SHROOM2: variants seen among roughly 807,000 people sequenced by gnomAD.
The protein encoded by SHROOM2 is protein Shroom2.
In SHROOM2, 33 loss-of-function variants were observed where a neutral mutation model predicts 75.9. That is an observed-to-expected ratio of 0.43 (90% CI 0.33 to 0.58). The LOEUF (loss-of-function observed/expected upper bound fraction) is 0.58. Among genes scored for constraint, SHROOM2 ranks in the 20% least tolerant of loss-of-function variants. SHROOM2 has a pLI of 0.04. For missense variants in SHROOM2, 1,434 were observed against 1,461.2 expected, an observed-to-expected ratio of 0.98 and a Z score of 0.30; for synonymous variants, 655 against 663.6, an observed-to-expected ratio of 0.99 and a Z score of 0.20.
intron 1 of SHROOM2, among the ~76,000 whole-genome samples, chrX:9,787,905 C>T (rs1222915337): frequency 9.0e-6 from 1 of 110,740 alleles, no homozygotes; most frequent in East Asian, 2.8e-4. Context: ...ACATGGTGGA[C>T]AGTCATAAAG....
chrX:9,795,340 C>T (rs770638583), intron 1 of SHROOM2, among the ~76,000 whole-genome samples: 37 of 111,662 alleles, frequency 3.3e-4, no homozygotes, highest in African/African-American at 1.2e-3. Flanking sequence ...AGATTTTGTT[C>T]AACATCATCT....
At chrX:9,916,759 C>T (rs2084494364) in intron 5 of SHROOM2, among the ~76,000 whole-genome samples, 1 of 112,131 alleles carries the variant, frequency 8.9e-6, no homozygotes, top group South Asian at 3.7e-4. Flanking sequence ...CTCTTCAGCG[C>T]GTGTTCATTT....
In SHROOM2 at chrX:9,896,132, G is replaced by A. The variant is rs775806030; in HGVS notation, c.2224G>A (p.Gly742Arg). 1.3e-5 allele frequency: 16 copies of A among 1,208,943 alleles called. No individual in the cohort carries two copies. In the South Asian group the frequency reaches 1.9e-4, roughly 15 times the overall value. ...CCAGCCACCCTCATCTACAAGTGGC[G>A]GGCCCCACCCGCCCCGCATCGGAGG... ...LAQPPSSTSG[G>R]PHPPRIGGRR... The change falls in exon 4 of 10, where the codon GGG (glycine) becomes AGG (arginine). Residue 742 changes from glycine to arginine, a missense_variant. Around this residue, in one of 3 missense-constraint regions of SHROOM2, gnomAD observed 1,340 missense variants for 1,338.3 expected, o/e 1.00. Transcript: ENST00000380913.
chrX:9,906,781 T>A (rs2013795326), intron 5 of SHROOM2, among the ~76,000 whole-genome samples: 1 of 112,174 alleles, frequency 8.9e-6, no homozygotes, highest in African/African-American at 3.2e-5. Context: ...AGAGTGAAAC[T>A]GTCTCAAAAA....
chrX:9,891,034 C>A lies in SHROOM2; in HGVS notation c.375C>A (p.Ser125Arg). Residue 125 changes from serine (S) to arginine (R), a missense_variant, in exon 3 of 10, where the codon AGC becomes AGA. Coordinates refer to ENST00000380913, the MANE Select transcript of SHROOM2 (RefSeq NM_001649.4). ...HSWHATKFSD[S>R]HPELAASPFT... ...GGCATGCCACCAAGTTCTCTGACAG[C>A]CACCCCGAGCTAGCGGCCTCCCCAT... is the stretch of plus-strand genomic sequence containing the variant. 2 of 1,203,180 alleles carry A rather than the reference C, an allele frequency of 1.7e-6. No individual in the cohort carries two copies. Among genetic ancestry groups the A allele is most frequent in the Non-Finnish European group, 2.2e-6 (2 of 891,189 alleles).
At chrX:9,914,391 T>A (rs1313027131) in intron 5 of SHROOM2, among the ~76,000 whole-genome samples, 1 of 109,900 alleles carries the variant, frequency 9.1e-6, no homozygotes, top group Non-Finnish European at 1.9e-5. Flanking sequence ...GCCTTTGGAA[T>A]ACATTTACTT....
chrX:9,863,357 G>C, intron 1 of SHROOM2, among the ~76,000 whole-genome samples: 1 of 110,856 alleles, frequency 9.0e-6, no homozygotes, highest in East Asian at 2.8e-4. Flanking sequence ...TAGGTTTTCT[G>C]TCATGACACT....
rs1000933743 is a variant in SHROOM2, at chrX:9,899,592, A to G, written c.2891+1302A>G. ...AGAGCTGTTATCCTTCTACAAGGGG[A>G]TCAAATATTTATGTGACTCTGCAAC... On this transcript the variant is annotated intron_variant, in intron 5 of 9. Coordinates refer to ENST00000380913, the MANE Select transcript of SHROOM2 (RefSeq NM_001649.4). 2.4e-4 allele frequency among the ~76,000 whole-genome samples: 27 copies of G among 112,146 alleles called. 1 individual carries two copies. The highest frequency in any genetic ancestry group is 7.8e-4 in the African/African-American group (24 of 30,901).
rs1394541487 is a variant in SHROOM2 at position 9,931,808 on chromosome X, G to A, written c.2892-367G>A. On this transcript the variant is annotated intron_variant, in intron 5 of 9. Coordinates refer to ENST00000380913, the MANE Select transcript of SHROOM2 (RefSeq NM_001649.4). ...ACTGTGACTTGAAGTAAATATTTCTGAATCTAGCTGTATGTGAGCATTTCC... is the reference window on the plus strand; with the variant it reads ...ACTGTGACTTGAAGTAAATATTTCTAAATCTAGCTGTATGTGAGCATTTCC... 2.7e-5 allele frequency among the ~76,000 whole-genome samples: 3 copies of A among 111,687 alleles called. No homozygotes were observed. The East Asian group carries it at 8.4e-4, about 31-fold the overall frequency.
chrX:9,924,351 A>G (rs2084574087), intron 5 of SHROOM2, among the ~76,000 whole-genome samples: 3 of 112,132 alleles, frequency 2.7e-5, no homozygotes, highest in Non-Finnish European at 3.8e-5. Context: ...CCTATGGTAA[A>G]TCAATATTTC....
At chrX:9,794,662 G>A (rs903620285) in intron 1 of SHROOM2, among the ~76,000 whole-genome samples, 7 of 111,836 alleles carry the variant, frequency 6.3e-5, no homozygotes, top group Non-Finnish European at 1.3e-4. Flanking sequence ...GAGCCACCGC[G>A]CCCAGCCATA....
intron 1 of SHROOM2, among the ~76,000 whole-genome samples, chrX:9,852,882 T>A (rs1223479143): frequency 9.0e-6 from 1 of 111,586 alleles, no homozygotes; most frequent in Non-Finnish European, 1.9e-5. Flanking sequence ...AAACATACCC[T>A]CTTTAGCCAG....
At chrX:9,938,311 G>C (rs1602023942) in intron 7 of SHROOM2, among the ~76,000 whole-genome samples, 1 of 112,086 alleles carries the variant, frequency 8.9e-6, no homozygotes, top group Admixed American at 9.4e-5. Context: ...CAGCACTTTG[G>C]CTGACCGAGG....
intron 1 of SHROOM2, among the ~76,000 whole-genome samples, chrX:9,862,296 G>C (rs1021738939): frequency 1.9e-4 from 21 of 111,002 alleles, no homozygotes; most frequent in African/African-American, 6.5e-4. Flanking sequence ...CAGGGCTGGG[G>C]CACAGAGTAC....
chrX:9,894,641 C>G lies in SHROOM2; in HGVS notation c.733C>G (p.Pro245Ala), dbSNP rs148416024. ...CTACACTGTGGGCCTCTGGGAGGCT[C>G]CCAGGCAGGGTGGCCGGCAGGCCCA... ...ILYTVGLWEA[P>A]RQGGRQAQAA... Residue 245 changes from proline to alanine, a missense_variant, in exon 4 of 10, where the codon CCC (proline) becomes GCC (alanine). By Grantham distance (27) the Pro-to-Ala change is conservative. Coordinates refer to ENST00000380913, the MANE Select transcript of SHROOM2 (RefSeq NM_001649.4). 8 of 1,212,052 alleles carry G rather than the reference C, an allele frequency of 6.6e-6. No homozygotes were observed. Among genetic ancestry groups the G allele is most frequent in the Non-Finnish European group, 8.9e-6 (8 of 895,501 alleles).
At position 9,944,727 on chromosome X, in the gene SHROOM2, C is replaced by A. The variant is rs1054608435; in HGVS notation, c.4398C>A (p.Thr1466=). The A allele has an allele frequency of 4.1e-6, 5 of 1,210,610 alleles. No homozygotes were observed. The highest frequency in any genetic ancestry group is 1.7e-5 in the African/African-American group (1 of 57,417). Residue 1466 remains threonine (T), a synonymous_variant, in exon 9 of 10, where the codon ACC becomes ACA. Transcript: ENST00000380913. ...ESLLEDVQAN[T]VLGAEVEAIV... ...TGCTGGAGGACGTGCAGGCCAACAC[C>A]GTGCTGGGGGCCGAGGTGGAGGCCA...
At position 9,792,767 on chromosome X, in the gene SHROOM2, C is replaced by T. The variant is rs150748995; in HGVS notation, c.165+6057C>T. 8.6e-3 allele frequency among the ~76,000 whole-genome samples: 946 copies of T among 109,890 alleles called. 13 individuals carry two copies. The highest frequency in any genetic ancestry group is 0.029 in the African/African-American group (889 of 30,200). ...ACAGATTCTTGCTCTGTCTCCCACA[C>T]TGGAGTGCAGTGGCATGATCTTGGC... On this transcript the variant is annotated intron_variant, in intron 1 of 9. Transcript: ENST00000380913.
At chrX:9,911,132 G>A (rs1473433899) in intron 5 of SHROOM2, among the ~76,000 whole-genome samples, 20 of 111,637 alleles carry the variant, frequency 1.8e-4, no homozygotes, top group South Asian at 3.8e-4. Context: ...AAAGTAATAC[G>A]TGAAGATGAA....
At chrX:9,930,328 C>T (rs1439146434) in intron 5 of SHROOM2, among the ~76,000 whole-genome samples, 1 of 110,356 alleles carries the variant, frequency 9.1e-6, no homozygotes, top group Non-Finnish European at 1.9e-5. Flanking sequence ...CCAGCCTGGG[C>T]AACATGGTGA....
Sources: gnomAD v4.1 joint callset for allele counts (sites outside exome capture counted in the v4.1 genomes callset) on GRCh38, gnomAD v4.1.1 for gene constraint, gnomAD v4.1.1 regional missense constraint, MANE v1.5 for transcripts, NCBI Gene and HGNC (gene_info 2026-07-23, HGNC 2026-07-21) for gene names.